Variants in FOXP1 observed in about 807,000 individuals in gnomAD.
FOXP1 encodes forkhead box P1.
FOXP1 carries 15 observed loss-of-function variants against 98.2 expected under a neutral mutation model. The observed-to-expected ratio is 0.15, with a 90% confidence interval of 0.10 to 0.24. The LOEUF (loss-of-function observed/expected upper bound fraction) is 0.24. FOXP1 is among the 10% of genes least tolerant of loss of function. The pLI, the probability that FOXP1 is intolerant of heterozygous loss-of-function variation, is 1.00. For missense variants in FOXP1, 633 were observed against 848.5 expected (o/e 0.75, Z 3.15); for synonymous variants, 371 against 314.5 (o/e 1.18, Z -1.90).
intron 2 of FOXP1, among the ~76,000 whole-genome samples, chr3:71,500,557 A>C (rs2107171283): frequency 6.6e-6 from 1 of 152,274 alleles, no homozygotes; most frequent in South Asian, 2.1e-4. Context: ...CCTGGGCCTT[A>C]GTGCTCACCT....
Position 70,958,631 on chromosome 3 carries a change from GAA to G in FOXP1, c.*614_*615del, listed in dbSNP as rs369074999. ...AGAACTTAAAATGGTATAGTAGAAG[GAA>G]AAAAAAAAAAAAAAAAAGCAATACA... On this transcript the variant is annotated 3_prime_UTR_variant, in exon 21 of 21. Transcript: ENST00000649528. The G allele has an allele frequency of 0.033, 3,121 of 96,010 alleles. No individual in the cohort carries two copies. Among genetic ancestry groups the G allele is most frequent in the East Asian group, 0.11 (988 of 9,218 alleles). 5.9% of individuals were successfully genotyped at this position (96,010 alleles called of 1,614,324 possible). A position where few individuals can be genotyped will look rare whatever the true frequency, so the allele number is the denominator to read the frequency against.
chr3:71,153,199 C>T (rs1487269374), intron 6 of FOXP1, among the ~76,000 whole-genome samples: 1 of 152,134 alleles, frequency 6.6e-6, no homozygotes, highest in Non-Finnish European at 1.5e-5. Flanking sequence ...CCTGTGTCTC[C>T]CAACCCACCC....
At chr3:71,002,349 G>A (rs996652066) in intron 12 of FOXP1, among the ~76,000 whole-genome samples, 3 of 152,126 alleles carry the variant, frequency 2.0e-5, no homozygotes, top group African/African-American at 7.2e-5. Context: ...CTCCAAAAAA[G>A]CAGTAAAGAG....
chr3:71,375,478 G>C (rs2079646531), intron 3 of FOXP1, among the ~76,000 whole-genome samples: 1 of 152,046 alleles, frequency 6.6e-6, no homozygotes, highest in Non-Finnish European at 1.5e-5. Flanking sequence ...TTTTTGTATA[G>C]CATACCTTAC....
At chr3:71,064,885 G>C (rs1451326320) in intron 7 of FOXP1, 3 of 890,398 alleles carry the variant, frequency 3.4e-6, no homozygotes, top group East Asian at 1.2e-4. Context: ...CGCGCGGGCC[G>C]GGCGTGGGGT....
intron 3 of FOXP1, among the ~76,000 whole-genome samples, chr3:71,456,909 A>C (rs2108520716): frequency 6.6e-6 from 1 of 152,170 alleles, no homozygotes; most frequent in African/African-American, 2.4e-5. Context: ...AATGCCCCAT[A>C]TGAAAAAGAC....
At chr3:71,053,408 G>C (rs2050177294) in intron 8 of FOXP1, among the ~76,000 whole-genome samples, 1 of 151,998 alleles carries the variant, frequency 6.6e-6, no homozygotes, top group Admixed American at 6.6e-5. Flanking sequence ...TCAGTCCATC[G>C]GGTACTCTCC....
intron 3 of FOXP1, among the ~76,000 whole-genome samples, chr3:71,436,998 G>A (rs2085428280): frequency 6.6e-6 from 1 of 151,998 alleles, no homozygotes; most frequent in Admixed American, 6.6e-5. Context: ...TAAGGAAATG[G>A]GCCATTACAT....
intron 6 of FOXP1, among the ~76,000 whole-genome samples, chr3:71,128,793 C>T (rs1575898416): frequency 6.6e-6 from 1 of 151,936 alleles, no homozygotes; most frequent in Non-Finnish European, 1.5e-5. Context: ...AATCCTGTCC[C>T]ATAAAACCAT....
intron 9 of FOXP1, among the ~76,000 whole-genome samples, chr3:71,050,000 C>T (rs980233200): frequency 6.6e-6 from 1 of 152,118 alleles, no homozygotes; most frequent in Non-Finnish European, 1.5e-5. Context: ...GTCACCTTTG[C>T]CTGGGAAGTG....
intron 17 of FOXP1, among the ~76,000 whole-genome samples, chr3:70,973,232 C>CCCCCTG (rs1468806678): frequency 1.4e-5 from 2 of 143,244 alleles, no homozygotes; most frequent in African/African-American, 2.7e-5. Flanking sequence ...GGTGAACGGA[C>CCCCCTG]CCCCCGCCCC....
chr3:71,097,192 G>C (rs2056539415), intron 7 of FOXP1, among the ~76,000 whole-genome samples: 1 of 152,172 alleles, frequency 6.6e-6, no homozygotes, highest in Non-Finnish European at 1.5e-5. Context: ...ACCTGTGTAT[G>C]GCCCTTGAGC....
Position 71,418,116 on chromosome 3 carries a change from G to GGGGT in FOXP1, c.-167-58873_-167-58872insACCC, listed in dbSNP as rs750085022. Among the ~76,000 whole-genome samples the GGGGT allele has an allele frequency of 3.4e-5, 5 of 147,476 alleles. No individual in the cohort carries two copies. In the East Asian group the frequency reaches 8.0e-4, roughly 24 times the overall value. On this transcript the variant is annotated intron_variant, in intron 3 of 20. Transcript: ENST00000649528. ...CACAGTGAAATTCTGTGTGCTTGTG[G>GGGGT]GTGTGTGTGTGTGTGTGTGTGTGTG...
At chr3:71,490,093 G>A (rs1199233464) in intron 3 of FOXP1, among the ~76,000 whole-genome samples, 2 of 152,186 alleles carry the variant, frequency 1.3e-5, no homozygotes, top group Non-Finnish European at 2.9e-5. Flanking sequence ...GTGAATAAAT[G>A]TTTGACAATG....
chr3:71,267,625 G>C (rs938228406), intron 5 of FOXP1, among the ~76,000 whole-genome samples: 2 of 152,190 alleles, frequency 1.3e-5, no homozygotes, highest in African/African-American at 4.8e-5. Flanking sequence ...AACAGGTAAG[G>C]GTGGCAGATG....
At chr3:71,322,436 T>C (rs145454258) in intron 4 of FOXP1, among the ~76,000 whole-genome samples, 1 of 152,284 alleles carries the variant, frequency 6.6e-6, no homozygotes, top group African/African-American at 2.4e-5. Context: ...ATGGGACAGC[T>C]CAGGTCTAGA....
At chr3:71,492,383 C>T (rs1051815713) in intron 3 of FOXP1, among the ~76,000 whole-genome samples, 1 of 150,678 alleles carries the variant, frequency 6.6e-6, no homozygotes. Context: ...ACCTGGGAGG[C>T]GGAGGTTGCA....
rs544575472 is a variant in FOXP1 at position 71,410,849 on chromosome 3, T to C, written c.-167-51605A>G. On this transcript the variant is annotated intron_variant, in intron 3 of 20. Coordinates refer to ENST00000649528, the MANE Select transcript of FOXP1 (RefSeq NM_001349338.3). Reference sequence around the variant, plus strand: ...TGTCTTTTTCCCAGAACAAACATTGTTCTATGGCTTTTCTTAAGAATGGCT... The same window carrying C: ...TGTCTTTTTCCCAGAACAAACATTGCTCTATGGCTTTTCTTAAGAATGGCT... Among the ~76,000 whole-genome samples the C allele has an allele frequency of 5.3e-5, 8 of 152,310 alleles. No homozygotes were observed. In the South Asian group the frequency reaches 1.2e-3, roughly 24 times the overall value.
chr3:70,992,177 AT>A (rs2040705844), intron 13 of FOXP1, among the ~76,000 whole-genome samples: 1 of 152,200 alleles, frequency 6.6e-6, no homozygotes, highest in Admixed American at 6.5e-5. Flanking sequence ...GTATTTTTAA[AT>A]AAGGACCCCA....
Sources: gnomAD v4.1 joint callset for allele counts (sites outside exome capture counted in the v4.1 genomes callset) on GRCh38, gnomAD v4.1.1 for gene constraint, MANE v1.5 for transcripts, NCBI Gene and HGNC (gene_info 2026-07-23, HGNC 2026-07-21) for gene names.